Variants in PRP4K observed in about 807,000 individuals in gnomAD.
PRP4K encodes the protein serine/threonine-protein kinase PRP4 homolog.
chr6:4,037,675 C>T, the PRP4K span: 9 of 1,112,650 alleles, frequency 8.1e-6, no homozygotes, highest in African/African-American at 6.5e-5. Context: ...TCTGAAAAAT[C>T]GTAGTTGTGT....
chr6:4,036,676 CTATTA>C, the PRP4K span, among the ~76,000 whole-genome samples: 3 of 152,002 alleles, frequency 2.0e-5, no homozygotes, highest in African/African-American at 7.3e-5. Context: ...TGTGCCTGGC[CTATTA>C]TACTTGACAT....
chr6:4,031,610 A>T, the PRP4K span: 37 of 1,587,902 alleles, frequency 2.3e-5, no homozygotes, highest in Admixed American at 6.8e-4. Context: ...ATGGAGAAGT[A>T]TCAGAAGACC....
the PRP4K span, chr6:4,060,750 C>A: frequency 1.3e-6 from 1 of 796,954 alleles, no homozygotes; most frequent in Non-Finnish European, 2.0e-6. This position sits in a 1 kb window ranked among gnomAD's most constrained non-coding sequence, Gnocchi z 4.7. Flanking sequence ...TGAATTAACA[C>A]CAAGGGTGAT....
At chr6:4,028,360 G>A in the PRP4K span, among the ~76,000 whole-genome samples, 1 of 151,850 alleles carries the variant, frequency 6.6e-6, no homozygotes, top group African/African-American at 2.4e-5. Context: ...AGCACATGCT[G>A]CCATACCCAG....
chr6:4,030,319 G>A, the PRP4K span, among the ~76,000 whole-genome samples: 7 of 152,140 alleles, frequency 4.6e-5, no homozygotes, highest in African/African-American at 7.2e-5. Context: ...TAAAGAGATT[G>A]TGAGTAGACA....
At chr6:4,035,654 G>T in the PRP4K span, among the ~76,000 whole-genome samples, 2 of 152,086 alleles carry the variant, frequency 1.3e-5, no homozygotes, top group South Asian at 4.1e-4. Flanking sequence ...TGCAAGGCAG[G>T]TTGTGTTTTT....
chr6:4,037,717 C>T, the PRP4K span: 29 of 641,290 alleles, frequency 4.5e-5, no homozygotes, highest in South Asian at 6.5e-4. Context: ...GCAATCTCTA[C>T]ACATGGGTTT....
At chr6:4,043,777 T>C in the PRP4K span, 1 of 1,591,406 alleles carries the variant, frequency 6.3e-7, no homozygotes, top group African/African-American at 1.4e-5. Context: ...AGCATCCAAT[T>C]TTATGAAAGT....
At chr6:4,037,625 A>G in the PRP4K span, 1 of 1,530,904 alleles carries the variant, frequency 6.5e-7, no homozygotes, top group Non-Finnish European at 8.9e-7. Flanking sequence ...TTGAACCACC[A>G]GTGAGCTCAC....
chr6:4,043,249 G>C, the PRP4K span, among the ~76,000 whole-genome samples: 1 of 152,192 alleles, frequency 6.6e-6, no homozygotes, highest in African/African-American at 2.4e-5. Flanking sequence ...AGGAAGTAGG[G>C]CAAAACTAAT....
the PRP4K span, among the ~76,000 whole-genome samples, chr6:4,053,911 T>TTGTTTTGTTC: frequency 1.3e-5 from 2 of 151,690 alleles, no homozygotes; most frequent in Non-Finnish European, 1.5e-5. Context: ...TTTTTTTGTT[T>TTGTTTTGTTC]TGTTTTGTTT....
the PRP4K span, among the ~76,000 whole-genome samples, chr6:4,034,954 G>A: frequency 6.6e-6 from 1 of 151,758 alleles, no homozygotes; most frequent in East Asian, 1.9e-4. Flanking sequence ...CTCGTGATCC[G>A]CCCACCTCGG....
At chr6:4,021,375 C>G in the PRP4K span, 3 of 1,555,038 alleles carry the variant, frequency 1.9e-6, no homozygotes, top group South Asian at 2.4e-5. Context: ...CCCCTACCCT[C>G]CACCGTCCGG....
At chr6:4,027,542 T>A in the PRP4K span, among the ~76,000 whole-genome samples, 1 of 131,994 alleles carries the variant, frequency 7.6e-6, no homozygotes, top group Non-Finnish European at 1.5e-5. Flanking sequence ...AGGATTTTTG[T>A]GAATAAATAT....
chr6:4,058,889 T>TAAA, the PRP4K span: 1 of 1,120,264 alleles, frequency 8.9e-7, no homozygotes. Flanking sequence ...GCTGGTGAAT[T>TAAA]AAAAAAAAAA....
the PRP4K span, among the ~76,000 whole-genome samples, chr6:4,026,426 C>CG: frequency 9.2e-5 from 14 of 151,806 alleles, no homozygotes; most frequent in African/African-American, 3.1e-4. Context: ...CCTCAGCCTC[C>CG]GGAGTAGCTG....
At chr6:4,030,761 A>G in the PRP4K span, among the ~76,000 whole-genome samples, 1 of 152,338 alleles carries the variant, frequency 6.6e-6, no homozygotes, top group South Asian at 2.1e-4. Context: ...GCTGTACTGT[A>G]TTAAATTACT....
At chr6:4,028,950 A>G in the PRP4K span, among the ~76,000 whole-genome samples, 4 of 150,854 alleles carry the variant, frequency 2.7e-5, no homozygotes, top group Non-Finnish European at 5.9e-5. Context: ...ATTCTCTCTC[A>G]ACTACCCACT....
chr6:4,044,636 C>T, the PRP4K span, among the ~76,000 whole-genome samples: 1 of 151,868 alleles, frequency 6.6e-6, no homozygotes, highest in Non-Finnish European at 1.5e-5. Context: ...GAAAGGAGCC[C>T]TTTTTCAGTT....
Sources: allele counts gnomAD v4.1 joint callset (sites outside exome capture counted in the v4.1 genomes callset), GRCh38; gene constraint gnomAD v4.1.1; non-coding constraint Gnocchi (gnomAD v3.1); transcripts MANE v1.5; gene names NCBI Gene and HGNC (gene_info 2026-07-23, HGNC 2026-07-21).